Variants in GPR108 observed in about 807,000 individuals in gnomAD.
The protein encoded by GPR108 is protein GPR108.
In GPR108, 60 loss-of-function variants were observed where a neutral mutation model predicts 74.3. The observed-to-expected ratio is 0.81, with a 90% CI of 0.66 to 1.00. The LOEUF is 1.00. Ranked by LOEUF, GPR108 falls within the 50% of genes least tolerant of loss-of-function variation. The pLI is 0.00. For synonymous variants in GPR108, 311 were observed against 292.4 expected (o/e 1.06, Z -0.65); for missense variants, 667 against 703.3 (o/e 0.95, Z 0.58).
chr19:6,732,934 C>A (rs1159759366), intron 10 of GPR108, 53 bp downstream of exon 10: 35 of 1,486,918 alleles, frequency 2.4e-5, no homozygotes, highest in Non-Finnish European at 3.0e-5. Context: ...GGGGGATGGC[C>A]CGGGTGGGCC....
At chr19:6,736,812 C>T (rs748363954) in intron 1 of GPR108, 101 bp from the exon 2 acceptor site, 4 of 1,532,466 alleles carry the variant, frequency 2.6e-6, no homozygotes, top group Non-Finnish European at 3.6e-6. Context: ...CCTGGTACCC[C>T]TCTATTTAGG....
intron 3 of GPR108, 48 bp downstream of exon 3, chr19:6,735,860 C>T: frequency 6.3e-7 from 1 of 1,584,964 alleles, no homozygotes; most frequent in Non-Finnish European, 8.6e-7. Flanking sequence ...CAGACCCTAC[C>T]CCCTCCCTCC....
chr19:6,733,230 C>T lies in GPR108; in HGVS notation c.795G>A (p.Met265Ile). 6.2e-7 allele frequency: 1 copy of T among 1,614,008 alleles called. No homozygotes were observed. The highest frequency in any genetic ancestry group is 8.5e-7 in the Non-Finnish European group (1 of 1,180,022). ...AAEMPLFKLYMVMSACFLAAG... is the reference protein window; with the variant it reads ...AAEMPLFKLYIVMSACFLAAG... ...CGGCCAGGAAGCAGGCGGACATGAC[C>T]ATGTAGAGCTTGAAAAGGGGCATCT... Residue 265 changes from methionine (M) to isoleucine (I), a missense_variant, in exon 9 of 18, where the codon ATG becomes ATA. Transcript: ENST00000264080.
At chr19:6,732,416 G>A (rs746988396) in intron 11 of GPR108, 36 bp from the exon 12 acceptor site, 6 of 1,611,482 alleles carry the variant, frequency 3.7e-6, no homozygotes, top group African/African-American at 1.3e-5. Context: ...GATGAGGTGG[G>A]GGGCCAACCC....
In GPR108 at chr19:6,731,496, G is replaced by A. The variant is rs762168160; in HGVS notation, c.1327C>T (p.Leu443=). Residue 443 remains leucine, a synonymous_variant, in exon 15 of 18, where the codon CTG becomes TTG. Coordinates refer to ENST00000264080, the MANE Select transcript of GPR108 (RefSeq NM_001080452.2). The part of the protein sequence containing the change: ...KVAVNLAKLK[L]FRHYYVMVIC... ...ACCATGACATAGTAATGCCGGAACAGCTTCAGCTTGGCCAGGTTCACTGCC... is the reference window on the plus strand; with the variant it reads ...ACCATGACATAGTAATGCCGGAACAACTTCAGCTTGGCCAGGTTCACTGCC... 2 of 1,490,954 alleles carry A rather than the reference G, an allele frequency of 1.3e-6. No individual in the cohort carries two copies. Among genetic ancestry groups the A allele is most frequent in the Non-Finnish European group, 1.8e-6 (2 of 1,112,634 alleles). The allele number at this position is 1,490,954 out of a possible 1,614,324, so 92.4% of individuals were successfully genotyped here. A position where few individuals can be genotyped will look rare whatever the true frequency, so the allele number is the denominator to read the frequency against.
In GPR108 at chr19:6,732,091, A is replaced by G; in HGVS notation, c.1190T>C (p.Leu397Pro). Residue 397 changes from leucine (L) to proline (P), a missense_variant, in exon 13 of 18, where the codon CTG becomes CCG. Leu to Pro is a moderately conservative substitution (Grantham distance 98). Coordinates refer to ENST00000264080, the MANE Select transcript of GPR108 (RefSeq NM_001080452.2). Reference protein sequence around the residue: ...SREEGASDYVLWKEILFLVDL... With the variant: ...SREEGASDYVPWKEILFLVDL... ...CACCAGGAACAAAATCTCCTTCCAC[A>G]GCACGTAGTCGCTGGCGCCTTCCTC... 2 of 1,613,994 alleles carry G rather than the reference A, an allele frequency of 1.2e-6. No individual in the cohort carries two copies. The highest frequency in any genetic ancestry group is 2.2e-5 in the East Asian group (1 of 44,886).
chr19:6,736,850 T>C, intron 1 of GPR108, 139 bp from the exon 2 acceptor site: 1 of 1,187,850 alleles, frequency 8.4e-7, no homozygotes, highest in Non-Finnish European at 1.2e-6. Context: ...CAAGAGAAAG[T>C]TGAGAGGGAC....
chr19:6,730,280 G>A lies in GPR108; in HGVS notation c.*32C>T. ...GGCAGGAGTGAGAAATGCTGGGGGA[G>A]GACGACCCTTTGGTCTGAGATGTGG... is the stretch of plus-strand genomic sequence containing the variant. On this transcript the variant is annotated 3_prime_UTR_variant, in exon 18 of 18. Transcript: ENST00000264080. The A allele has an allele frequency of 6.3e-7, 1 of 1,593,056 alleles. No individual in the cohort carries two copies. Among genetic ancestry groups the A allele is most frequent in the Non-Finnish European group, 8.6e-7 (1 of 1,160,952 alleles).
intron 1 of GPR108, chr19:6,736,996 G>GTGCC: frequency 2.2e-6 from 1 of 450,078 alleles, no homozygotes; most frequent in South Asian, 2.7e-5. Flanking sequence ...TCACCTCGGC[G>GTGCC]TGCCTGACCT....
Position 6,730,317 on chromosome 19 carries a change from A to G in GPR108, c.1627T>C (p.Leu543=). The change falls in exon 18 of 18, where the codon TTA becomes CTA. Residue 543 remains leucine, a synonymous_variant. Coordinates refer to ENST00000264080, the MANE Select transcript of GPR108 (RefSeq NM_001080452.2). The part of the protein sequence containing the change: ...VNKTASGREL[L] ...GGTCTGAGATGTGGAGGTGATCATAACAGTTCCCGCCCGCTGGCTGTTTTG... is the reference window on the plus strand; with the variant it reads ...GGTCTGAGATGTGGAGGTGATCATAGCAGTTCCCGCCCGCTGGCTGTTTTG... The G allele has an allele frequency of 6.2e-7, 1 of 1,613,774 alleles. No individual in the cohort carries two copies. Among genetic ancestry groups the G allele is most frequent in the Non-Finnish European group, 8.5e-7 (1 of 1,179,730 alleles).
At chr19:6,730,695 T>A in intron 17 of GPR108, 1 of 390,966 alleles carries the variant, frequency 2.6e-6, no homozygotes, top group Non-Finnish European at 4.6e-6. Context: ...CCGAACTACC[T>A]AGGCCCCGCC....
At chr19:6,733,439 CTCAAATGGGTA>C in intron 8 of GPR108, 120 bp downstream of exon 8, 1 of 1,291,644 alleles carries the variant, frequency 7.7e-7, no homozygotes, top group East Asian at 2.5e-5. Context: ...GGCCCCGTCT[CTCAAATGGGTA>C]TAACAGCTCC....
rs746528140 is a variant in GPR108 at position 6,730,241 on chromosome 19, C to T, written c.*71G>A. Reference sequence around the variant, plus strand: ...TGGACCCCCTCCACCTCCCCACATACGCTGTGGAAGAAGGGCAGGAGTGAG... The same window carrying T: ...TGGACCCCCTCCACCTCCCCACATATGCTGTGGAAGAAGGGCAGGAGTGAG... On this transcript the variant is annotated 3_prime_UTR_variant, in exon 18 of 18. Transcript: ENST00000264080. The T allele has an allele frequency of 9.9e-6, 14 of 1,414,062 alleles. No individual in the cohort carries two copies. The highest frequency in any genetic ancestry group is 4.2e-5 in the African/African-American group (3 of 70,976). The allele number at this position is 1,414,062 out of a possible 1,614,324, so 87.6% of individuals were successfully genotyped here.
Position 6,730,389 on chromosome 19 carries a change from G to A in GPR108, c.1560-5C>T, listed in dbSNP as rs1196608083. ...CGGAACCCAGAGTCCGTCATTCTGG[G>A]GGCAGACAGCGAGGAGGCGTCTAGC... On this transcript the variant is annotated splice_region_variant and splice_polypyrimidine_tract_variant and intron_variant, in intron 17 of 17. Transcript: ENST00000264080. 1.2e-6 allele frequency: 2 copies of A among 1,612,590 alleles called. No individual in the cohort carries two copies. The highest frequency in any genetic ancestry group is 1.7e-6 in the Non-Finnish European group (2 of 1,179,694).
At position 6,733,600 on chromosome 19, in the gene GPR108, C is replaced by G; in HGVS notation, c.693G>C (p.Val231=). 1 of 1,614,182 alleles carries G rather than the reference C, an allele frequency of 6.2e-7. No individual in the cohort carries two copies. Among genetic ancestry groups the G allele is most frequent in the South Asian group, 1.1e-5 (1 of 91,092 alleles). Reference sequence around the variant, plus strand: ...TGTCGAATGGATGCTCCTTTCCTGGCACTGAATTGTTGCAGTTGTGGAAGT... The same window carrying G: ...TGTCGAATGGATGCTCCTTTCCTGGGACTGAATTGTTGCAGTTGTGGAAGT... The part of the protein sequence containing the change: ...SLNFHNCNNS[V]PGKEHPFDIT... Residue 231 remains valine (V), a synonymous_variant, in exon 8 of 18, where the codon GTG becomes GTC. Coordinates refer to ENST00000264080, the MANE Select transcript of GPR108 (RefSeq NM_001080452.2).
chr19:6,731,842 G>C, intron 14 of GPR108, 49 bp downstream of exon 14: 1 of 1,601,838 alleles, frequency 6.2e-7, no homozygotes, highest in Non-Finnish European at 8.5e-7. Context: ...GAAGGGCCCG[G>C]AGGAGGAATG....
chr19:6,732,141 C>T lies in GPR108; in HGVS notation c.1140G>A (p.Val380=). The T allele has an allele frequency of 6.2e-7, 1 of 1,613,698 alleles. No homozygotes were observed. Among genetic ancestry groups the T allele is most frequent in the Non-Finnish European group, 8.5e-7 (1 of 1,180,002 alleles). ...IVIPMQVLAN[V]AYIIIESREE... ...CGCGGGACTCGATGATGATGTAGGC[C>T]ACGTTGGCCAGGACCTGCGCAGGCG... Residue 380 remains valine (V), a synonymous_variant, in exon 13 of 18, where the codon GTG becomes GTA. Transcript: ENST00000264080.
chr19:6,733,734 T>G (rs1196258909), intron 7 of GPR108, 60 bp from the exon 8 acceptor site: 41 of 1,582,910 alleles, frequency 2.6e-5, no homozygotes, highest in Non-Finnish European at 3.4e-5. Context: ...GGGGCGACAA[T>G]CAGCTTGGGG....
intron 16 of GPR108, 42 bp downstream of exon 16, chr19:6,731,157 C>A: frequency 6.2e-7 from 1 of 1,608,072 alleles, no homozygotes; most frequent in South Asian, 1.1e-5. Flanking sequence ...CCCCCACCCC[C>A]ACCGTGGCCG....
Sources: gnomAD v4.1 joint callset for allele counts on GRCh38, gnomAD v4.1.1 for gene constraint, MANE v1.5 for transcripts, NCBI Gene and HGNC (gene_info 2026-07-23, HGNC 2026-07-21) for gene names.